RYR3: variants seen among roughly 807,000 people sequenced by gnomAD.
RYR3 encodes the protein brain ryanodine receptor-calcium release channel.
A neutral mutation model predicts 584.3 loss-of-function variants in RYR3; 207 were observed. That is an observed-to-expected ratio of 0.35 (90% confidence interval 0.32 to 0.40). The LOEUF is 0.40. Ranked by LOEUF, RYR3 falls within the 10% of genes least tolerant of loss-of-function variation. The pLI, the probability that RYR3 is intolerant of heterozygous loss-of-function variation, is 1.00. For missense variants in RYR3, 5,616 were observed against 6,089.2 expected, an observed-to-expected ratio of 0.92 and a Z score of 2.59; for synonymous variants, 2,416 against 2,248.5, an observed-to-expected ratio of 1.07 and a Z score of -2.11.
At chr15:33,429,626 A>G (rs2044949456) in intron 1 of RYR3, among the ~76,000 whole-genome samples, 1 of 152,256 alleles carries the variant, frequency 6.6e-6, no homozygotes, top group South Asian at 2.1e-4. Flanking sequence ...CTCTGAATGC[A>G]TCCACACCAA....
intron 2 of RYR3, among the ~76,000 whole-genome samples, chr15:33,478,138 C>A (rs1415151371): frequency 6.6e-6 from 1 of 151,972 alleles, no homozygotes; most frequent in African/African-American, 2.4e-5. Context: ...AACTTTACAT[C>A]CATACTCATA....
At chr15:33,567,807 T>C (rs1014039907) in intron 12 of RYR3, among the ~76,000 whole-genome samples, 1 of 152,188 alleles carries the variant, frequency 6.6e-6, no homozygotes, top group African/African-American at 2.4e-5. Context: ...CAGAATAAGA[T>C]CCAGCAACTC....
chr15:33,353,195 C>T (rs1366634195), intron 1 of RYR3, among the ~76,000 whole-genome samples: 1 of 152,106 alleles, frequency 6.6e-6, no homozygotes, highest in African/African-American at 2.4e-5. Flanking sequence ...TAATATACAG[C>T]CAAGTCCGAT....
At chr15:33,784,596 C>A (rs1483181952) in intron 65 of RYR3, among the ~76,000 whole-genome samples, 2 of 152,186 alleles carry the variant, frequency 1.3e-5, no homozygotes, top group Non-Finnish European at 1.5e-5. Context: ...TCCTTCAGTG[C>A]CGGATGTTTT....
At chr15:33,389,097 G>C (rs568885416) in intron 1 of RYR3, among the ~76,000 whole-genome samples, 1 of 116,808 alleles carries the variant, frequency 8.6e-6, no homozygotes, top group African/African-American at 3.3e-5. Context: ...GGAGGGGGGA[G>C]GGATAGCATT....
chr15:33,845,363 C>T (rs148828105), intron 93 of RYR3, among the ~76,000 whole-genome samples: 204 of 152,348 alleles, frequency 1.3e-3, no homozygotes, highest in African/African-American at 4.6e-3. Context: ...AGCAATTGTC[C>T]TGTCTCAGCC....
chr15:33,808,975 C>T (rs2076359354), intron 70 of RYR3, among the ~76,000 whole-genome samples: 1 of 152,120 alleles, frequency 6.6e-6, no homozygotes, highest in African/African-American at 2.4e-5. Flanking sequence ...GCTGTGGTTT[C>T]TGTGATACTG....
intron 16 of RYR3, among the ~76,000 whole-genome samples, chr15:33,595,745 CT>C (rs1267052904): frequency 2.0e-5 from 3 of 152,038 alleles, no homozygotes; most frequent in African/African-American, 7.2e-5. Context: ...AGTTAGAGCC[CT>C]GTAACTCAAT....
intron 1 of RYR3, among the ~76,000 whole-genome samples, chr15:33,470,900 G>A (rs1158860803): frequency 6.6e-6 from 1 of 152,062 alleles, no homozygotes; most frequent in African/African-American, 2.4e-5. Flanking sequence ...AAAGCAAAAT[G>A]AGAAAAAAGG....
chr15:33,479,982 T>A (rs1416296703), intron 2 of RYR3, among the ~76,000 whole-genome samples: 1 of 152,368 alleles, frequency 6.6e-6, no homozygotes, highest in Non-Finnish European at 1.5e-5. Flanking sequence ...ATCATGTATT[T>A]TCTTCAAAGT....
At chr15:33,808,627 TTTCG>T (rs1437852268) in intron 70 of RYR3, among the ~76,000 whole-genome samples, 1 of 152,194 alleles carries the variant, frequency 6.6e-6, no homozygotes, top group Admixed American at 6.5e-5. Context: ...TCAAGGGTAA[TTTCG>T]ACTATAAATG....
intron 38 of RYR3, among the ~76,000 whole-genome samples, chr15:33,679,777 A>G (rs1178103047): frequency 6.6e-6 from 1 of 152,216 alleles, no homozygotes; most frequent in African/African-American, 2.4e-5. Context: ...TTTATTGGTG[A>G]AGAAATCAAG....
intron 34 of RYR3, 109 bp from the exon 35 acceptor site, chr15:33,662,044 G>A (rs2152705766): frequency 2.4e-6 from 2 of 821,484 alleles, no homozygotes; most frequent in East Asian, 2.7e-5. Context: ...CTGTGGCAGA[G>A]ACCCCTCCAA....
At chr15:33,729,157 T>C in intron 47 of RYR3, 131 bp downstream of exon 47, 3 of 758,728 alleles carry the variant, frequency 4.0e-6, no homozygotes, top group Non-Finnish European at 6.3e-6. Flanking sequence ...GGTGAGAAAA[T>C]AGAGGTATCA....
rs41279202 is a variant in RYR3 at position 33,550,199 on chromosome 15, A to T, written c.855A>T (p.Arg285=). The change falls in exon 10 of 104, where the codon CGA becomes CGT. Residue 285 remains arginine (R), a synonymous_variant. Coordinates refer to ENST00000634891, the MANE Select transcript of RYR3 (RefSeq NM_001036.6). ...ACATCAGATGGGGCCAGGCTTTCCG[A>T]CTCCGGCATCTCACCACAGGCCACT... ...GSNIRWGQAF[R]LRHLTTGHYL... is the part of the protein sequence containing the mutation. 0.039 allele frequency: 63,419 copies of T among 1,613,722 alleles called. 1,422 individuals are homozygous for T. The highest frequency in any genetic ancestry group is 0.045 in the Non-Finnish European group (53,018 of 1,179,734).
At chr15:33,357,195 A>G (rs1974105310) in intron 1 of RYR3, among the ~76,000 whole-genome samples, 1 of 152,144 alleles carries the variant, frequency 6.6e-6, no homozygotes, top group African/African-American at 2.4e-5. Flanking sequence ...CACTTATCAG[A>G]CCTGAATTAT....
At chr15:33,709,949 C>T (rs2152790119) in intron 43 of RYR3, among the ~76,000 whole-genome samples, 1 of 152,138 alleles carries the variant, frequency 6.6e-6, no homozygotes, top group East Asian at 1.9e-4. Context: ...AACTTTTTAA[C>T]AGAAGAGAGA....
intron 36 of RYR3, among the ~76,000 whole-genome samples, chr15:33,668,648 T>C (rs2063633591): frequency 1.3e-5 from 2 of 152,244 alleles, no homozygotes; most frequent in South Asian, 2.1e-4. Context: ...TTAACTCTTA[T>C]TACTGTAACG....
chr15:33,623,894 A>G lies in RYR3; in HGVS notation c.2445A>G (p.Pro815=), dbSNP rs2060851228. ...CCCCTTGCTATGAAGCCTTACTTCCAAAAGAGAAGATGAGATTGGAGCCTG... is the reference window on the plus strand; with the variant it reads ...CCCCTTGCTATGAAGCCTTACTTCCGAAAGAGAAGATGAGATTGGAGCCTG... ...GYAPCYEALL[P]KEKMRLEPVK... The change falls in exon 20 of 104, where the codon CCA becomes CCG. Residue 815 remains proline (P), a synonymous_variant. Coordinates refer to ENST00000634891, the MANE Select transcript of RYR3 (RefSeq NM_001036.6). The G allele has an allele frequency of 6.2e-7, 1 of 1,613,924 alleles. No homozygotes were observed. The highest frequency in any genetic ancestry group is 2.2e-5 in the East Asian group (1 of 44,884).
Sources: allele counts gnomAD v4.1 joint callset (sites outside exome capture counted in the v4.1 genomes callset), GRCh38; gene constraint gnomAD v4.1.1; transcripts MANE v1.5; gene names NCBI Gene and HGNC (gene_info 2026-07-23, HGNC 2026-07-21).